Variants in ARL15 observed in about 807,000 individuals in gnomAD.
The protein encoded by ARL15 is ARF like GTPase 15.
A neutral mutation model predicts 25.2 loss-of-function variants in ARL15; 19 were observed. The observed-to-expected ratio is 0.75, with a 90% confidence interval of 0.53 to 1.10. The LOEUF (loss-of-function observed/expected upper bound fraction) is 1.10. Ranked by LOEUF, ARL15 falls within the 50% of genes least tolerant of loss-of-function variation. The pLI, the probability that ARL15 is intolerant of heterozygous loss-of-function variation, is 0.00. For missense variants in ARL15, 220 were observed against 246.0 expected (o/e 0.89, Z 0.71); for synonymous variants, 94 against 86.8 (o/e 1.08, Z -0.46).
intron 4 of ARL15, among the ~76,000 whole-genome samples, chr5:53,995,248 C>A (rs56682465): frequency 0.036 from 5,194 of 144,206 alleles, 103 homozygotes; most frequent in Non-Finnish European, 0.056. Flanking sequence ...GTGGAGGTTG[C>A]TCCGAGCCGA....
chr5:54,172,294 T>A (rs1157152612), intron 1 of ARL15, among the ~76,000 whole-genome samples: 1 of 152,124 alleles, frequency 6.6e-6, no homozygotes, highest in African/African-American at 2.4e-5. Flanking sequence ...ACTGGCCTGT[T>A]CTCCTCCAAA....
intron 4 of ARL15, among the ~76,000 whole-genome samples, chr5:53,962,548 TC>T (rs1276426250): frequency 6.6e-6 from 1 of 152,152 alleles, no homozygotes; most frequent in Non-Finnish European, 1.5e-5. Flanking sequence ...TCGAAATCTA[TC>T]TGAATCAGCT....
At chr5:54,184,263 A>AAAAAAAAAAAAAAAAAAAAAT (rs1755160093) in intron 1 of ARL15, among the ~76,000 whole-genome samples, 1 of 6,788 alleles carries the variant, frequency 1.5e-4, no homozygotes, top group Non-Finnish European at 2.4e-4. Flanking sequence ...AAAAAAATCA[A>AAAAAAAAAAAAAAAAAAAAAT]AAAAAAAAAA....
At chr5:54,089,532 T>C (rs966518605) in intron 4 of ARL15, among the ~76,000 whole-genome samples, 2 of 152,186 alleles carry the variant, frequency 1.3e-5, no homozygotes, top group African/African-American at 4.8e-5. Flanking sequence ...TAAAAAAGTT[T>C]TTTACCTACT....
intron 4 of ARL15, among the ~76,000 whole-genome samples, chr5:53,888,371 C>A (rs1432323235): frequency 6.6e-6 from 1 of 152,004 alleles, no homozygotes; most frequent in Non-Finnish European, 1.5e-5. Context: ...GCCTTGACGT[C>A]CCAGGCTTGG....
intron 3 of ARL15, among the ~76,000 whole-genome samples, chr5:54,117,307 G>T (rs1752930213): frequency 6.6e-6 from 1 of 151,360 alleles, no homozygotes; most frequent in South Asian, 2.1e-4. Flanking sequence ...CTTTCAATGA[G>T]AAACTATGTT....
rs546453353 is a variant in ARL15 at position 54,297,869 on chromosome 5, A to G, written c.48+12563T>C. Among the ~76,000 whole-genome samples, 21 of 151,706 alleles carry G rather than the reference A, an allele frequency of 1.4e-4. No individual in the cohort carries two copies. The South Asian group carries it at 1.7e-3, about 12-fold the overall frequency. ...ACAATCTCAGCTCACTGCAAGCTCC[A>G]CCTCCCAGGTTCACGCCATCCTCCT... On this transcript the variant is annotated intron_variant, in intron 1 of 4. Coordinates refer to ENST00000504924, the MANE Select transcript of ARL15 (RefSeq NM_019087.3).
intron 1 of ARL15, among the ~76,000 whole-genome samples, chr5:54,195,282 A>C (rs1755519105): frequency 6.6e-6 from 1 of 152,170 alleles, no homozygotes; most frequent in Non-Finnish European, 1.5e-5. Flanking sequence ...TCATCAATGA[A>C]AATACAGAAA....
At chr5:54,173,374 G>T (rs1267637953) in intron 1 of ARL15, among the ~76,000 whole-genome samples, 1 of 152,034 alleles carries the variant, frequency 6.6e-6, no homozygotes, top group Non-Finnish European at 1.5e-5. Flanking sequence ...GGGAAAGGGG[G>T]AGACAGGGAG....
At chr5:54,221,507 T>C (rs561420967) in intron 1 of ARL15, among the ~76,000 whole-genome samples, 29 of 152,322 alleles carry the variant, frequency 1.9e-4, no homozygotes, top group African/African-American at 6.5e-4. Context: ...TTTCCTTTAT[T>C]TCTTTCAAAT....
intron 4 of ARL15, among the ~76,000 whole-genome samples, chr5:53,925,877 T>C (rs1746002350): frequency 6.6e-6 from 1 of 152,020 alleles, no homozygotes; most frequent in African/African-American, 2.4e-5. Flanking sequence ...TCAAATCGTA[T>C]CTTACAAAGA....
At chr5:54,030,514 G>A (rs1749945989) in intron 4 of ARL15, among the ~76,000 whole-genome samples, 2 of 152,160 alleles carry the variant, frequency 1.3e-5, no homozygotes, top group African/African-American at 2.4e-5. Flanking sequence ...GAGTGACTGA[G>A]GAGTGTGAGA....
chr5:54,274,013 C>CATTGGA (rs756010575), intron 1 of ARL15, among the ~76,000 whole-genome samples: 10 of 152,190 alleles, frequency 6.6e-5, no homozygotes, highest in Non-Finnish European at 1.5e-4. Flanking sequence ...GGAATGCTGG[C>CATTGGA]ATTGGAATCC....
chr5:54,259,424 T>A (rs1248815840), intron 1 of ARL15, among the ~76,000 whole-genome samples: 1 of 152,196 alleles, frequency 6.6e-6, no homozygotes, highest in Non-Finnish European at 1.5e-5. Context: ...AATGAGGATG[T>A]GATTTTTCAG....
chr5:53,912,324 C>T (rs1048666155), intron 4 of ARL15, among the ~76,000 whole-genome samples: 1 of 152,142 alleles, frequency 6.6e-6, no homozygotes, highest in Non-Finnish European at 1.5e-5. Flanking sequence ...TGGAAATATG[C>T]TGCTTGTTAC....
intron 4 of ARL15, among the ~76,000 whole-genome samples, chr5:53,982,342 C>G (rs1694061): frequency 6.8e-6 from 1 of 146,860 alleles, no homozygotes; most frequent in African/African-American, 2.6e-5. Flanking sequence ...CCTACCCCCC[C>G]ACCCCCTGAC....
chr5:54,287,148 G>A (rs1312869479), intron 1 of ARL15, among the ~76,000 whole-genome samples: 1 of 152,028 alleles, frequency 6.6e-6, no homozygotes, highest in Admixed American at 6.6e-5. Flanking sequence ...CCAAAGTGCT[G>A]GGATTGCAGG....
At chr5:53,998,283 G>GAAAAAAAA (rs11287179) in intron 4 of ARL15, among the ~76,000 whole-genome samples, 1 of 116,564 alleles carries the variant, frequency 8.6e-6, no homozygotes. Flanking sequence ...GGGACATCAG[G>GAAAAAAAA]AAAAAAAAAA....
intron 1 of ARL15, among the ~76,000 whole-genome samples, chr5:54,223,894 T>C (rs26771): frequency 0.39 from 58,755 of 151,830 alleles, 12,699 homozygotes; most frequent in South Asian, 0.56. Flanking sequence ...ACTGGAGGCA[T>C]GTCAGGAGCA....
Sources: allele counts gnomAD v4.1 joint callset (sites outside exome capture counted in the v4.1 genomes callset), GRCh38; gene constraint gnomAD v4.1.1; transcripts MANE v1.5; gene names NCBI Gene and HGNC (gene_info 2026-07-23, HGNC 2026-07-21).